The following FAM120A variants were observed in gnomAD, a reference collection of about 807,000 sequenced individuals.
The protein encoded by FAM120A is family with sequence similarity 120 member A.
In FAM120A, 15 loss-of-function variants were observed where a neutral mutation model predicts 109.7. That is an observed-to-expected ratio of 0.14 (90% CI 0.09 to 0.21). The LOEUF (loss-of-function observed/expected upper bound fraction) is 0.21, where lower values mean the gene tolerates loss of function less well. Among genes scored for constraint, FAM120A ranks in the 10% least tolerant of loss-of-function variants. FAM120A has a pLI of 1.00. For missense variants in FAM120A, 899 were observed against 1,439.3 expected (o/e 0.62, Z 6.07); for synonymous variants, 493 against 572.8 (o/e 0.86, Z 1.99).
intron 1 of FAM120A, chr9:93,453,518 T>A (rs1857386586): frequency 1.0e-6 from 1 of 985,428 alleles, no homozygotes; most frequent in East Asian, 1.1e-4. Flanking sequence ...GAGCTGAAAG[T>A]TTGTGAAATT....
At chr9:93,473,298 A>C (rs1010221315) in intron 2 of FAM120A, among the ~76,000 whole-genome samples, 19 of 151,898 alleles carry the variant, frequency 1.3e-4, no homozygotes, top group Non-Finnish European at 2.4e-4. Flanking sequence ...GGTGTGAGCT[A>C]CCGCGCCCAG....
At position 93,561,115 on chromosome 9, in the gene FAM120A, A is replaced by G; in HGVS notation, c.2813A>G (p.Gln938Arg). Residue 938 changes from glutamine to arginine, a missense_variant, in exon 16 of 18, where the codon CAA becomes CGA. Transcript: ENST00000277165. ...TTGTATATTTTTTATGCAGGAGTCC[A>G]ACCTATACCTTCTCAGGGAGGCAAA... ...SRTSKSQGGV[Q>R]PIPSQGGKLE... 1 of 1,613,642 alleles carries G rather than the reference A, an allele frequency of 6.2e-7. No homozygotes were observed. Among genetic ancestry groups the G allele is most frequent in the Non-Finnish European group, 8.5e-7 (1 of 1,179,978 alleles).
rs1447867037 is a variant in FAM120A at position 93,529,429 on chromosome 9, C to T, written c.1583C>T (p.Pro528Leu). The T allele has an allele frequency of 6.2e-7, 1 of 1,614,224 alleles. No homozygotes were observed. Among genetic ancestry groups the T allele is most frequent in the East Asian group, 2.2e-5 (1 of 44,878 alleles). ...GGAAGCCAGATGGGCACTGTCCAGC[C>T]AATCCCGTGCCTCCTGTCGATGCCC... ...GKGSQMGTVQ[P>L]IPCLLSMPTR... is the part of the protein sequence containing the mutation. The change falls in exon 9 of 18, where the codon CCA (proline) becomes CTA (leucine). Residue 528 changes from proline to leucine, a missense_variant. Transcript: ENST00000277165.
rs183232505 is a variant in FAM120A, at chr9:93,452,961, C to T, written c.474+572C>T. On this transcript the variant is annotated intron_variant, in intron 1 of 17. Transcript: ENST00000277165. This position sits in a 1 kb window ranked among gnomAD's most constrained non-coding sequence, Gnocchi z 7.0. ...CAGTGCCCTGGCCTCTACTTCAGAA[C>T]GCAGTGCCCTGTCCGTGTTCCTCTT... is the stretch of plus-strand genomic sequence containing the variant. The T allele has an allele frequency of 7.3e-6, 10 of 1,375,244 alleles. No individual in the cohort carries two copies. In the South Asian group the frequency reaches 1.1e-4, roughly 16 times the overall value. 85.2% of individuals were successfully genotyped at this position (1,375,244 alleles called of 1,614,324 possible).
At chr9:93,543,674 ATGTTT>A (rs1861786121) in intron 11 of FAM120A, among the ~76,000 whole-genome samples, 1 of 152,208 alleles carries the variant, frequency 6.6e-6, no homozygotes, top group Admixed American at 6.5e-5. Context: ...ATGATACAGT[ATGTTT>A]ATAGGTATAT....
At chr9:93,553,247 G>A (rs1036112707) in intron 12 of FAM120A, among the ~76,000 whole-genome samples, 1 of 152,178 alleles carries the variant, frequency 6.6e-6, no homozygotes, top group African/African-American at 2.4e-5. Context: ...TAAAGGATGA[G>A]AAGGAACTTT....
intron 17 of FAM120A, among the ~76,000 whole-genome samples, chr9:93,562,662 T>C (rs1862508896): frequency 1.3e-5 from 2 of 149,824 alleles, no homozygotes; most frequent in African/African-American, 5.0e-5. Context: ...TTTCTTTCTT[T>C]TTCTTTTTTT....
intron 3 of FAM120A, among the ~76,000 whole-genome samples, chr9:93,486,951 T>C (rs1859087521): frequency 6.6e-6 from 1 of 152,200 alleles, no homozygotes; most frequent in Non-Finnish European, 1.5e-5. Flanking sequence ...ATGCTTGTTA[T>C]TGTCTATTTT....
chr9:93,533,914 G>A (rs1263100467), intron 10 of FAM120A, among the ~76,000 whole-genome samples: 2 of 152,164 alleles, frequency 1.3e-5, no homozygotes, highest in Non-Finnish European at 2.9e-5. Context: ...ACTCCTTCAG[G>A]CATTTCCAAT....
intron 2 of FAM120A, among the ~76,000 whole-genome samples, chr9:93,475,999 C>A (rs1043253224): frequency 6.6e-6 from 1 of 152,150 alleles, no homozygotes; most frequent in Non-Finnish European, 1.5e-5. Context: ...ATTTTTAATA[C>A]TGTGCTGTGA....
chr9:93,523,472 A>G, intron 7 of FAM120A: 1 of 382,238 alleles, frequency 2.6e-6, no homozygotes, highest in Non-Finnish European at 4.6e-6. Context: ...TTATGTTTTG[A>G]CACATGGTAC....
At position 93,451,962 on chromosome 9, in the gene FAM120A, G is replaced by A. The variant is rs1403922798; in HGVS notation, c.47G>A (p.Ser16Asn). ...FQDYIEKHCPSAVVPVELQKL... is the reference protein window; with the variant it reads ...FQDYIEKHCPNAVVPVELQKL... ...GACTACATCGAGAAGCACTGCCCGA[G>A]CGCCGTGGTGCCGGTGGAGCTGCAG... The change falls in exon 1 of 18, where the codon AGC (serine) becomes AAC (asparagine). Residue 16 changes from serine (S) to asparagine (N), a missense_variant. Coordinates refer to ENST00000277165, the MANE Select transcript of FAM120A (RefSeq NM_014612.5). The A allele has an allele frequency of 6.5e-7, 1 of 1,537,398 alleles. No individual in the cohort carries two copies. Among genetic ancestry groups the A allele is most frequent in the South Asian group, 1.2e-5 (1 of 83,076 alleles).
At chr9:93,545,103 C>T (rs1390998692) in intron 11 of FAM120A, among the ~76,000 whole-genome samples, 2 of 152,148 alleles carry the variant, frequency 1.3e-5, no homozygotes, top group African/African-American at 4.8e-5. Flanking sequence ...CCTTTCTTCT[C>T]CACAGATGTT....
intron 3 of FAM120A, among the ~76,000 whole-genome samples, chr9:93,490,039 A>G (rs570821025): frequency 1.3e-5 from 2 of 152,384 alleles, no homozygotes; most frequent in East Asian, 3.8e-4. Flanking sequence ...GTCACCAAGA[A>G]GAATGAGAGT....
chr9:93,543,143 A>C, intron 10 of FAM120A, 79 bp from the exon 11 acceptor site: 137 of 1,529,780 alleles, frequency 9.0e-5, no homozygotes, highest in Non-Finnish European at 1.1e-4. Context: ...ACCAGTTACT[A>C]GAGCTGCTTG....
At chr9:93,467,130 C>T (rs1858060699) in intron 1 of FAM120A, among the ~76,000 whole-genome samples, 1 of 151,868 alleles carries the variant, frequency 6.6e-6, no homozygotes, top group African/African-American at 2.4e-5. Flanking sequence ...GTGTGATGTA[C>T]AATTGTATGA....
rs1340199279 is a variant in FAM120A at position 93,451,805 on chromosome 9, C to G, written c.-111C>G. On this transcript the variant is annotated 5_prime_UTR_variant, in exon 1 of 18. Transcript: ENST00000277165. ...AGCGCGCCCCCGACCCGCCCCAGTC[C>G]CCCCTAGAGGCCGCCGCCCCCGCCC... The G allele has an allele frequency of 2.1e-6, 2 of 973,520 alleles. No homozygotes were observed. The highest frequency in any genetic ancestry group is 1.2e-4 in the East Asian group (1 of 8,584). 60.3% of individuals were successfully genotyped at this position (973,520 alleles called of 1,614,324 possible).
chr9:93,457,169 A>T (rs931477476), intron 1 of FAM120A, among the ~76,000 whole-genome samples: 1 of 152,160 alleles, frequency 6.6e-6, no homozygotes, highest in South Asian at 2.1e-4. Context: ...CCACTTTTTG[A>T]CTATTGGGAA....
intron 5 of FAM120A, among the ~76,000 whole-genome samples, chr9:93,511,751 A>G (rs1182945154): frequency 3.3e-5 from 5 of 152,204 alleles, no homozygotes; most frequent in East Asian, 1.9e-4. Flanking sequence ...CTTCAAAGCT[A>G]TATTTTTTGG....
Sources: allele counts gnomAD v4.1 joint callset (sites outside exome capture counted in the v4.1 genomes callset), GRCh38; gene constraint gnomAD v4.1.1; non-coding constraint Gnocchi (gnomAD v3.1); transcripts MANE v1.5; gene names NCBI Gene and HGNC (gene_info 2026-07-23, HGNC 2026-07-21).